CAPN1: variants seen among roughly 807,000 people sequenced by gnomAD.
CAPN1 encodes calpain-1 catalytic subunit.
A neutral mutation model predicts 105.2 loss-of-function variants in CAPN1; 77 were observed. The observed-to-expected ratio is 0.73, with a 90% CI of 0.61 to 0.88. The LOEUF is 0.88. Ranked by LOEUF, CAPN1 falls within the 40% of genes least tolerant of loss-of-function variation. CAPN1 has a pLI of 0.00. For synonymous variants in CAPN1, 355 were observed against 388.8 expected (o/e 0.91, Z 1.02); for missense variants, 833 against 976.6 (o/e 0.85, Z 1.96).
intron 10 of CAPN1, among the ~76,000 whole-genome samples, chr11:65,199,192 A>G (rs1948833474): frequency 1.3e-5 from 2 of 152,042 alleles, no homozygotes; most frequent in South Asian, 2.1e-4. Flanking sequence ...AAACTTTCTC[A>G]GTGTTTGTCT....
chr11:65,205,692 C>T lies in CAPN1; in HGVS notation c.1342-18C>T, dbSNP rs1332986470. The T allele has an allele frequency of 1.9e-6, 3 of 1,613,470 alleles. No individual in the cohort carries two copies. Among genetic ancestry groups the T allele is most frequent in the Non-Finnish European group, 1.7e-6 (2 of 1,179,472 alleles). On this transcript the variant is annotated intron_variant, in intron 11 of 21. Coordinates refer to ENST00000279247, the MANE Select transcript of CAPN1 (RefSeq NM_005186.4). ...GGACAAACACACATCTCTGACTTCC[C>T]CTGTCTCTCTATTGCAGGTCCCTCC...
intron 2 of CAPN1, 23 bp downstream of exon 2, chr11:65,182,991 GGACTC>G: frequency 6.2e-7 from 1 of 1,612,748 alleles, no homozygotes; most frequent in Non-Finnish European, 8.5e-7. Context: ...ATCCTGGGTG[GGACTC>G]GGCTAAGCCA....
In CAPN1 at chr11:65,206,629, G is replaced by T; in HGVS notation, c.1520G>T (p.Gly507Val). ...TCCACCTTCGAGCCCAACAAGGAGG[G>T]CGACTTCGTGCTGCGCTTCTTCTCA... ...VPSTFEPNKE[G>V]DFVLRFFSEK... Residue 507 changes from glycine (G) to valine (V), a missense_variant, in exon 13 of 22, where the codon GGC becomes GTC. Physicochemically the swap from Gly to Val is moderately radical, Grantham distance 109. Coordinates refer to ENST00000279247, the MANE Select transcript of CAPN1 (RefSeq NM_005186.4). 6.2e-7 allele frequency: 1 copy of T among 1,613,402 alleles called. No individual in the cohort carries two copies.
chr11:65,206,849 C>A (rs766300405), intron 14 of CAPN1, 30 bp downstream of exon 14: 2 of 1,599,568 alleles, frequency 1.3e-6, no homozygotes, highest in Non-Finnish European at 1.7e-6. Context: ...CAGGCCCCGT[C>A]CTCCTCTCTT....
Position 65,210,225 on chromosome 11 carries a change from G to A in CAPN1, c.1943-111G>A, listed in dbSNP as rs955741786. 1.1e-4 allele frequency: 127 copies of A among 1,120,666 alleles called. No individual in the cohort carries two copies. The African/African-American group carries it at 1.2e-3, about 10-fold the overall frequency. 69.4% of individuals were successfully genotyped at this position (1,120,666 alleles called of 1,614,324 possible). A position where few individuals can be genotyped will look rare whatever the true frequency, so the allele number is the denominator to read the frequency against. On this transcript the variant is annotated intron_variant, in intron 19 of 21. Coordinates refer to ENST00000279247, the MANE Select transcript of CAPN1 (RefSeq NM_005186.4). The surrounding 1 kb of genome is among the most constrained non-coding windows in gnomAD (Gnocchi z 4.3). The stretch of plus-strand genomic sequence containing the variant: ...ACAGCCATCTTGTCCTTTTCCCCAC[G>A]GTTACTAGCACCCTGCCTAGCCCCA...
chr11:65,209,849 C>T lies in CAPN1; in HGVS notation c.1795C>T (p.Arg599Cys), dbSNP rs191148065. The T allele has an allele frequency of 1.4e-5, 23 of 1,613,590 alleles. No homozygotes were observed. The highest frequency in any genetic ancestry group is 9.3e-5 in the African/African-American group (7 of 75,030). The change falls in exon 18 of 22, where the codon CGT becomes TGT. Residue 599 changes from arginine to cysteine, a missense_variant and splice_region_variant. By Grantham distance (180) the Arg-to-Cys change is radical. Transcript: ENST00000279247. This position sits in a 1 kb window ranked among gnomAD's most constrained non-coding sequence, Gnocchi z 4.1. ...AATTTCCTTCTTAACGGCCACCCAG[C>T]GTGATGGCAATGGGAAGCTGGGCCT... ...SCRSMVNLMD[R>C]DGNGKLGLVE... is the part of the protein sequence containing the mutation.
At chr11:65,186,427 C>G in intron 6 of CAPN1, 89 bp downstream of exon 6, 1 of 1,174,742 alleles carries the variant, frequency 8.5e-7, no homozygotes, top group South Asian at 1.5e-5. Flanking sequence ...CCAGGCTCCG[C>G]TCCAGACCCT....
rs1334562334 is a variant in CAPN1 at position 65,182,821 on chromosome 11, G to C, written c.120G>C (p.Gln40His). The change falls in exon 2 of 22, where the codon CAG becomes CAC. Residue 40 changes from glutamine to histidine, a missense_variant. Physicochemically the swap from Gln to His is conservative, Grantham distance 24 (BLOSUM62 0). Transcript: ENST00000279247. Reference protein sequence around the residue: ...RHENAIKYLGQDYEQLRVRCL... With the variant: ...RHENAIKYLGHDYEQLRVRCL... ...AGAATGCCATCAAGTACCTGGGCCAGGATTATGAGCAGCTGCGGGTGCGAT... is the reference window on the plus strand; with the variant it reads ...AGAATGCCATCAAGTACCTGGGCCACGATTATGAGCAGCTGCGGGTGCGAT... 6.3e-7 allele frequency: 1 copy of C among 1,594,004 alleles called. No individual in the cohort carries two copies. The highest frequency in any genetic ancestry group is 1.8e-5 in the Admixed American group (1 of 56,612).
rs1393804643 is a variant in CAPN1 at position 65,182,694 on chromosome 11, C to A, written c.-1-7C>A. The A allele has an allele frequency of 4.5e-6, 7 of 1,543,806 alleles. No individual in the cohort carries two copies. The highest frequency in any genetic ancestry group is 1.2e-5 in the South Asian group (1 of 80,122). ...CTGGGTTCTGAGCAGGCCCATCTGT[C>A]CGGCAGGATGTCGGAGGAGATCATC... On this transcript the variant is annotated splice_region_variant and splice_polypyrimidine_tract_variant and intron_variant, in intron 1 of 21. Coordinates refer to ENST00000279247, the MANE Select transcript of CAPN1 (RefSeq NM_005186.4).
rs189206248 is a variant in CAPN1 at position 65,203,940 on chromosome 11, T to A, written c.1166-743T>A. Among the ~76,000 whole-genome samples the A allele has an allele frequency of 1.6e-3, 245 of 152,176 alleles. 1 individual carries two copies. The highest frequency in any genetic ancestry group is 5.4e-3 in the African/African-American group (223 of 41,512). ...AGTGGCTTATTAGTGCCTTTAAAAATAAGTTTTGCAGTTTACCGTTCTATC... is the reference window on the plus strand; with the variant it reads ...AGTGGCTTATTAGTGCCTTTAAAAAAAAGTTTTGCAGTTTACCGTTCTATC... On this transcript the variant is annotated intron_variant, in intron 10 of 21. Coordinates refer to ENST00000279247, the MANE Select transcript of CAPN1 (RefSeq NM_005186.4).
chr11:65,202,642 C>T (rs1185308239), intron 10 of CAPN1, among the ~76,000 whole-genome samples: 3 of 151,934 alleles, frequency 2.0e-5, no homozygotes, highest in Non-Finnish European at 2.9e-5. Flanking sequence ...GGGGTTTCAC[C>T]ACGTTGGCCA....
At chr11:65,181,606 T>TA, upstream of CAPN1, 2 of 413,178 alleles carry the variant, frequency 4.8e-6, no homozygotes, top group Non-Finnish European at 4.8e-6. This position sits in a 1 kb window ranked among gnomAD's most constrained non-coding sequence, Gnocchi z 4.6. Flanking sequence ...TGCCCCTGGT[T>TA]AAAAATACCC....
At chr11:65,197,469 G>GT (rs113938763) in intron 10 of CAPN1, among the ~76,000 whole-genome samples, 160 of 150,814 alleles carry the variant, frequency 1.1e-3, no homozygotes, top group African/African-American at 1.1e-3. Flanking sequence ...CTAATTCAGG[G>GT]TTTTTTTTTG....
At position 65,183,003 on chromosome 11, in the gene CAPN1, G is replaced by A. The variant is rs149969025; in HGVS notation, c.267+35G>A. The A allele has an allele frequency of 1.1e-5, 18 of 1,612,176 alleles. No individual in the cohort carries two copies. The African/African-American group carries it at 1.9e-4, about 17-fold the overall frequency. The stretch of plus-strand genomic sequence containing the variant: ...GCCATCCTGGGTGGGACTCGGCTAA[G>A]CCAGATCCTGGATGAGGAGTAGGGA... On this transcript the variant is annotated intron_variant, in intron 2 of 21. Coordinates refer to ENST00000279247, the MANE Select transcript of CAPN1 (RefSeq NM_005186.4).
rs1290025434 is a variant in CAPN1 at position 65,188,165 on chromosome 11, G to A, written c.929+125G>A. The A allele has an allele frequency of 1.1e-5, 8 of 752,950 alleles. No homozygotes were observed. Among genetic ancestry groups the A allele is most frequent in the Non-Finnish European group, 1.5e-5 (7 of 461,894 alleles). The allele number at this position is 752,950 out of a possible 1,614,324, so 46.6% of individuals were successfully genotyped here. A position where few individuals can be genotyped will look rare whatever the true frequency, so the allele number is the denominator to read the frequency against. On this transcript the variant is annotated intron_variant, in intron 8 of 21. Coordinates refer to ENST00000279247, the MANE Select transcript of CAPN1 (RefSeq NM_005186.4). The surrounding 1 kb of genome is among the most constrained non-coding windows in gnomAD (Gnocchi z 5.5). ...TGAGCAGAGGGGCCCATCTTCGCGC[G>A]ACTGGGTCTGGGGGACTGCTCTGAC...
Position 65,188,110 on chromosome 11 carries a change from G to A in CAPN1, c.929+70G>A. On this transcript the variant is annotated intron_variant, in intron 8 of 21. Coordinates refer to ENST00000279247, the MANE Select transcript of CAPN1 (RefSeq NM_005186.4). The surrounding 1 kb of genome is among the most constrained non-coding windows in gnomAD (Gnocchi z 5.5). The stretch of plus-strand genomic sequence containing the variant: ...TAGGTGCCCCGACATTTCTGCTCGG[G>A]ACTCTACCAGGCCAGGCTGGACTCA... 5.4e-6 allele frequency: 6 copies of A among 1,105,136 alleles called. No homozygotes were observed. The highest frequency in any genetic ancestry group is 7.8e-6 in the Non-Finnish European group (6 of 766,548). The allele number at this position is 1,105,136 out of a possible 1,614,324, so 68.5% of individuals were successfully genotyped here. A position where few individuals can be genotyped will look rare whatever the true frequency, so the allele number is the denominator to read the frequency against.
intron 10 of CAPN1, among the ~76,000 whole-genome samples, chr11:65,203,872 T>TTTATTA (rs201058925): frequency 6.6e-5 from 10 of 151,934 alleles, no homozygotes; most frequent in East Asian, 3.9e-4. Context: ...TGTTATTATC[T>TTTATTA]TTATTATTAT....
upstream of CAPN1, chr11:65,181,685 C>CCG: frequency 3.1e-6 from 1 of 324,264 alleles, no homozygotes; most frequent in Non-Finnish European, 6.2e-6. The surrounding 1 kb of genome is among the most constrained non-coding windows in gnomAD (Gnocchi z 4.6). Flanking sequence ...CCATCCCCCC[C>CCG]CGCGCTGGCC....
chr11:65,182,666 G>A, intron 1 of CAPN1, 35 bp from the exon 2 acceptor site: 1 of 1,482,940 alleles, frequency 6.7e-7, no homozygotes, highest in Non-Finnish European at 9.0e-7. Flanking sequence ...GTCTTGGGAA[G>A]GCCTGGGTTC....
Sources: gnomAD v4.1 joint callset for allele counts (sites outside exome capture counted in the v4.1 genomes callset) on GRCh38, gnomAD v4.1.1 for gene constraint, Gnocchi (gnomAD v3.1) non-coding constraint, MANE v1.5 for transcripts, NCBI Gene and HGNC (gene_info 2026-07-23, HGNC 2026-07-21) for gene names.